KCTD1: variants seen among roughly 807,000 people sequenced by gnomAD.
KCTD1 encodes the protein potassium channel tetramerization domain containing 1.
A neutral mutation model predicts 66.0 loss-of-function variants in KCTD1; 24 were observed. That is an observed-to-expected ratio of 0.36 (90% CI 0.26 to 0.51). The LOEUF (loss-of-function observed/expected upper bound fraction) is 0.51, where lower values mean the gene tolerates loss of function less well. KCTD1 is among the 20% of genes least tolerant of loss of function. The probability of loss-of-function intolerance (pLI) is 0.95; values close to 1 mark genes in which losing one functional copy is unlikely to be tolerated. For missense variants in KCTD1, 943 were observed against 1,205.2 expected (o/e 0.78, Z 3.22); for synonymous variants, 511 against 517.2 (o/e 0.99, Z 0.16).
intron 1 of KCTD1, among the ~76,000 whole-genome samples, chr18:26,563,864 T>A (rs1985919127): frequency 6.6e-6 from 1 of 152,188 alleles, no homozygotes; most frequent in Non-Finnish European, 1.5e-5. Flanking sequence ...ACCACTGAAT[T>A]GTGAGTCTTC....
chr18:26,517,324 A>G (rs1983700934), intron 1 of KCTD1, among the ~76,000 whole-genome samples: 1 of 152,128 alleles, frequency 6.6e-6, no homozygotes, highest in South Asian at 2.1e-4. Flanking sequence ...TTCTCATGAT[A>G]GTGAATAAGT....
chr18:26,645,514 T>G (rs1486206943), intron 1 of KCTD1, among the ~76,000 whole-genome samples: 1 of 152,100 alleles, frequency 6.6e-6, no homozygotes, highest in Non-Finnish European at 1.5e-5. Context: ...GCAATCCTCC[T>G]CCCTCAGCCT....
rs1983942589 is a variant in KCTD1, at chr18:26,522,148, G to A, written c.1810-20898C>T. ...ACTCATATGTTGAAGTTCTAACCCAGTACCTCAAAATGTGACCTCACTTGG... is the reference window on the plus strand; with the variant it reads ...ACTCATATGTTGAAGTTCTAACCCAATACCTCAAAATGTGACCTCACTTGG... On this transcript the variant is annotated intron_variant, in intron 1 of 4. Transcript: ENST00000580059. Among the ~76,000 whole-genome samples, 3 of 152,158 alleles carry A rather than the reference G, an allele frequency of 2.0e-5. No homozygotes were observed. The South Asian group carries it at 6.2e-4, about 32-fold the overall frequency.
chr18:26,571,473 T>C (rs546293857), intron 1 of KCTD1, among the ~76,000 whole-genome samples: 2 of 152,344 alleles, frequency 1.3e-5, no homozygotes, highest in Admixed American at 6.5e-5. Context: ...AAGTTACTGA[T>C]ATAAAATGGT....
chr18:26,549,737 T>C, upstream of KCTD1: 1 of 985,344 alleles, frequency 1.0e-6, no homozygotes, highest in Non-Finnish European at 1.2e-6. Flanking sequence ...ACTCAAAGTT[T>C]GCCAACCGCC....
intron 1 of KCTD1, among the ~76,000 whole-genome samples, chr18:26,580,464 C>T (rs897309014): frequency 3.3e-5 from 5 of 152,110 alleles, no homozygotes; most frequent in African/African-American, 1.2e-4. Context: ...ACTCTGTTCA[C>T]CAACATAGCT....
chr18:26,483,271 T>C (rs921963835), intron 2 of KCTD1, among the ~76,000 whole-genome samples: 3 of 152,164 alleles, frequency 2.0e-5, no homozygotes, highest in Non-Finnish European at 2.9e-5. Flanking sequence ...CTTTCTTTTC[T>C]TTTTTCTTTT....
intron 2 of KCTD1, among the ~76,000 whole-genome samples, chr18:26,484,288 A>C (rs1009593650): frequency 6.6e-5 from 10 of 152,250 alleles, no homozygotes; most frequent in African/African-American, 2.2e-4. Flanking sequence ...TCTAAGTAAA[A>C]ACAAACAAAA....
chr18:26,570,191 A>AATATATAT (rs1555643817), intron 1 of KCTD1, among the ~76,000 whole-genome samples: 10 of 132,524 alleles, frequency 7.5e-5, no homozygotes, highest in South Asian at 2.5e-4. Flanking sequence ...ATCTAAAAAA[A>AATATATAT]ATATATATAT....
At chr18:26,505,733 T>C (rs555724706) in intron 1 of KCTD1, among the ~76,000 whole-genome samples, 1 of 152,170 alleles carries the variant, frequency 6.6e-6, no homozygotes, top group South Asian at 2.1e-4. Context: ...ACTAATAACA[T>C]TTTTTTGTAG....
chr18:26,523,552 G>A (rs780254135), intron 1 of KCTD1, among the ~76,000 whole-genome samples: 38 of 152,226 alleles, frequency 2.5e-4, no homozygotes, highest in Non-Finnish European at 4.6e-4. Context: ...TCAGGAGGCT[G>A]AGGCAGAAGG....
At chr18:26,584,497 G>T (rs927654852) in intron 1 of KCTD1, among the ~76,000 whole-genome samples, 1 of 152,102 alleles carries the variant, frequency 6.6e-6, no homozygotes, top group African/African-American at 2.4e-5. Flanking sequence ...ATTTTTGTTA[G>T]TGCTAAGTTA....
intron 1 of KCTD1, among the ~76,000 whole-genome samples, chr18:26,646,855 G>A (rs1471758224): frequency 1.3e-5 from 2 of 152,116 alleles, no homozygotes; most frequent in Non-Finnish European, 2.9e-5. Context: ...AATAGCATGT[G>A]CAAAGATTTG....
Position 26,476,878 on chromosome 18 carries a change from A to G in KCTD1, c.1989-219T>C, listed in dbSNP as rs1422977233. The G allele has an allele frequency of 2.1e-6, 1 of 484,384 alleles. No homozygotes were observed. The highest frequency in any genetic ancestry group is 3.6e-6 in the Non-Finnish European group (1 of 278,450). The allele number at this position is 484,384 out of a possible 1,614,324, so 30.0% of individuals were successfully genotyped here. A position where few individuals can be genotyped will look rare whatever the true frequency, so the allele number is the denominator to read the frequency against. ...CTTTGTCAAATGAATTCTTTTATTC[A>G]CTGTCTTTCACCTGCAAAGAAAATG... is the stretch of plus-strand genomic sequence containing the variant. On this transcript the variant is annotated intron_variant, in intron 2 of 4. Transcript: ENST00000580059. The surrounding 1 kb of genome is among the most constrained non-coding windows in gnomAD (Gnocchi z 4.9).
intron 3 of KCTD1, among the ~76,000 whole-genome samples, chr18:26,474,976 C>T (rs190242718): frequency 6.6e-6 from 1 of 152,140 alleles, no homozygotes; most frequent in East Asian, 1.9e-4. Flanking sequence ...CAGTGGTGAT[C>T]GTCTCAGCAC....
intron 1 of KCTD1, among the ~76,000 whole-genome samples, chr18:26,591,155 A>G (rs1326480629): frequency 6.6e-6 from 1 of 152,006 alleles, no homozygotes; most frequent in African/African-American, 2.4e-5. Context: ...CCTCCCATGC[A>G]GCTGAAACTA....
chr18:26,547,668 C>T lies in KCTD1; in HGVS notation c.869G>A (p.Arg290His). 6.4e-7 allele frequency: 1 copy of T among 1,551,452 alleles called. No individual in the cohort carries two copies. Among genetic ancestry groups the T allele is most frequent in the Non-Finnish European group, 8.7e-7 (1 of 1,146,986 alleles). ...QKQAITRADL[R>H]KLYTSSVFST... ...GAAGACGCTGGAGGTGTACAGCTTG[C>T]GCAGGTCGGCGCGCGTGATGGCTTG... Residue 290 changes from arginine to histidine, a missense_variant, in exon 1 of 5, where the codon CGC (arginine) becomes CAC (histidine). Physicochemically the swap from Arg to His is conservative, Grantham distance 29 (BLOSUM62 0). Transcript: ENST00000580059.
intron 1 of KCTD1, among the ~76,000 whole-genome samples, chr18:26,650,066 G>C (rs1385602994): frequency 6.6e-6 from 1 of 152,162 alleles, no homozygotes; most frequent in Admixed American, 6.5e-5. Context: ...ACTGTGCACA[G>C]GACGACCTCC....
rs1985255777 is a variant in KCTD1, at chr18:26,546,932, G to A, written c.1605C>T (p.Ala535=). 2 of 1,475,656 alleles carry A rather than the reference G, an allele frequency of 1.4e-6. No individual in the cohort carries two copies. Among genetic ancestry groups the A allele is most frequent in the Non-Finnish European group, 1.8e-6 (2 of 1,110,270 alleles). The allele number at this position is 1,475,656 out of a possible 1,614,324, so 91.4% of individuals were successfully genotyped here. Reference sequence around the variant, plus strand: ...CCGACCCGAACACAGACTCGTACAGGGCGCGCTTGGGCGCAGCCTCGGATT... The same window carrying A: ...CCGACCCGAACACAGACTCGTACAGAGCGCGCTTGGGCGCAGCCTCGGATT... ...DVKSEAAPKR[A]LYESVFGSGE... Residue 535 remains alanine, a synonymous_variant, in exon 1 of 5, where the codon GCC becomes GCT. Transcript: ENST00000580059.
Sources: gnomAD v4.1 joint callset for allele counts (sites outside exome capture counted in the v4.1 genomes callset) on GRCh38, gnomAD v4.1.1 for gene constraint, Gnocchi (gnomAD v3.1) non-coding constraint, MANE v1.5 for transcripts, NCBI Gene and HGNC (gene_info 2026-07-23, HGNC 2026-07-21) for gene names.